The following HOMER2 variants were observed in gnomAD, a reference collection of about 807,000 sequenced individuals.
HOMER2 encodes the protein homer protein homolog 2.
In HOMER2, 27 loss-of-function variants were observed where a neutral mutation model predicts 47.0. The ratio of observed to expected loss-of-function variants is 0.57; its 90% confidence interval spans 0.42 to 0.79. The LOEUF is 0.79. Among genes scored for constraint, HOMER2 ranks in the 30% least tolerant of loss-of-function variants. The pLI, the probability that HOMER2 is intolerant of heterozygous loss-of-function variation, is 0.00. For synonymous variants in HOMER2, 161 were observed against 163.8 expected (o/e 0.98, Z 0.13); for missense variants, 443 against 435.0 (o/e 1.02, Z -0.16).
intron 1 of HOMER2, among the ~76,000 whole-genome samples, chr15:82,910,939 G>GT (rs11393165): frequency 0.59 from 89,520 of 151,588 alleles, 27,912 homozygotes; most frequent in African/African-American, 0.79. Context: ...TAAGGGAGGA[G>GT]GGTTCAGGGC....
chr15:82,857,720 C>T (rs1373393929), intron 5 of HOMER2, among the ~76,000 whole-genome samples: 1 of 152,092 alleles, frequency 6.6e-6, no homozygotes, highest in Non-Finnish European at 1.5e-5. Flanking sequence ...CATGTGCCAC[C>T]ACGCCCAGCC....
chr15:82,946,762 T>C (rs1349509414), intron 1 of HOMER2, among the ~76,000 whole-genome samples: 1 of 152,198 alleles, frequency 6.6e-6, no homozygotes, highest in Admixed American at 6.5e-5. Context: ...TACACACTCA[T>C]TCAATATCTA....
rs528429652 is a variant in HOMER2 at position 82,864,345 on chromosome 15, A to G, written c.295-86T>C. The G allele has an allele frequency of 4.9e-6, 4 of 809,150 alleles. No individual in the cohort carries two copies. In the East Asian group the frequency reaches 7.5e-5, roughly 15 times the overall value. The allele number at this position is 809,150 out of a possible 1,614,324, so 50.1% of individuals were successfully genotyped here. On this transcript the variant is annotated intron_variant, in intron 3 of 8. Coordinates refer to ENST00000450735, the MANE Select transcript of HOMER2 (RefSeq NM_004839.4). ...ACCCACCTTTATTTATTTTGCATCCATTTTAGGCCCATACATTCTGTATAA... is the reference window on the plus strand; with the variant it reads ...ACCCACCTTTATTTATTTTGCATCCGTTTTAGGCCCATACATTCTGTATAA...
rs540283090 is a variant in HOMER2, at chr15:82,947,591, G to A, written c.5+4940C>T. On this transcript the variant is annotated intron_variant, in intron 1 of 8. Coordinates refer to ENST00000450735, the MANE Select transcript of HOMER2 (RefSeq NM_004839.4). ...CTCCAGTACTCAAATGACAGCAGAC[G>A]GCCCGAAAATTAACCCACATCACAA... is the stretch of plus-strand genomic sequence containing the variant. Among the ~76,000 whole-genome samples, 3 of 152,274 alleles carry A rather than the reference G, an allele frequency of 2.0e-5. 1 individual carries two copies. Among genetic ancestry groups the A allele is most frequent in the South Asian group, 4.1e-4 (2 of 4,824 alleles).
intron 3 of HOMER2, among the ~76,000 whole-genome samples, chr15:82,868,541 A>ATTTTTT (rs10678643): frequency 2.0e-4 from 14 of 71,262 alleles, no homozygotes; most frequent in Non-Finnish European, 3.4e-4. Context: ...ATATATATAT[A>ATTTTTT]TTTTTTTTTT....
intron 2 of HOMER2, among the ~76,000 whole-genome samples, chr15:82,875,759 T>C (rs1260240289): frequency 6.6e-6 from 1 of 152,210 alleles, no homozygotes; most frequent in Non-Finnish European, 1.5e-5. Flanking sequence ...GCTAGCCATG[T>C]CCCACATTCT....
At position 82,861,590 on chromosome 15, in the gene HOMER2, C is replaced by T. The variant is rs1006741365; in HGVS notation, c.388-2455G>A. On this transcript the variant is annotated intron_variant, in intron 4 of 8. Coordinates refer to ENST00000450735, the MANE Select transcript of HOMER2 (RefSeq NM_004839.4). Reference sequence around the variant, plus strand: ...TTGCATTTATAGTCACAAAACAGCCCCACATTTTAAGTGTTTTTGTAATTA... The same window carrying T: ...TTGCATTTATAGTCACAAAACAGCCTCACATTTTAAGTGTTTTTGTAATTA... Among the ~76,000 whole-genome samples, 4 of 152,014 alleles carry T rather than the reference C, an allele frequency of 2.6e-5. No individual in the cohort carries two copies. In the East Asian group the frequency reaches 7.7e-4, roughly 29 times the overall value.
chr15:82,960,321 AT>A (rs1451545256), intron 1 of HOMER2, among the ~76,000 whole-genome samples: 2 of 152,154 alleles, frequency 1.3e-5, no homozygotes, highest in Non-Finnish European at 2.9e-5. Flanking sequence ...GCAGTTAGAT[AT>A]TATAGGTACA....
At chr15:82,950,661 A>G (rs1371925378) in intron 1 of HOMER2, among the ~76,000 whole-genome samples, 1 of 152,264 alleles carries the variant, frequency 6.6e-6, no homozygotes, top group Non-Finnish European at 1.5e-5. Context: ...AGAGGTAGGT[A>G]GGAGTTACAA....
chr15:82,837,045 TTCTAAAGGCTCCGGGGAGAA>T, exon 2 of HOMER2: 1 of 152,390 alleles, frequency 6.6e-6, no homozygotes, highest in South Asian at 2.1e-4. Flanking sequence ...CTGTGTTCTC[TTCTAAAGGCTCCGGGGAGAA>T]GCCATTTCCT....
chr15:82,853,291 A>C (rs2051458602), intron 6 of HOMER2, among the ~76,000 whole-genome samples: 1 of 152,236 alleles, frequency 6.6e-6, no homozygotes, highest in African/African-American at 2.4e-5. Flanking sequence ...TATCAGACTG[A>C]GACCAAAGTG....
rs755003013 is a variant in HOMER2 at position 82,914,378 on chromosome 15, T to TA, written c.6-21538dup. Among the ~76,000 whole-genome samples the TA allele has an allele frequency of 8.9e-3, 970 of 108,910 alleles. 7 individuals are homozygous for TA. The highest frequency in any genetic ancestry group is 0.04 in the Admixed American group (420 of 10,464). 71.4% of individuals were successfully genotyped at this position (108,910 alleles called of 152,430 possible). A position where few individuals can be genotyped will look rare whatever the true frequency, so the allele number is the denominator to read the frequency against. On this transcript the variant is annotated intron_variant, in intron 1 of 8. Transcript: ENST00000450735. ...GGGTGGCAGAGTGAGACTCCATCTT[T>TA]AAAAAAAAAAAAAAAAAAAAGGAAG...
At chr15:82,961,624 T>A (rs1347672598) in intron 1 of HOMER2, among the ~76,000 whole-genome samples, 2 of 152,198 alleles carry the variant, frequency 1.3e-5, no homozygotes, top group African/African-American at 4.8e-5. Context: ...GTTTTTTTTT[T>A]AATTGTGGCA....
chr15:82,964,726 C>T (rs905320816), intron 1 of HOMER2, among the ~76,000 whole-genome samples: 2 of 152,128 alleles, frequency 1.3e-5, no homozygotes, highest in Non-Finnish European at 2.9e-5. Flanking sequence ...GCCAAGATCA[C>T]ACCACTGCAC....
In HOMER2 at chr15:82,943,061, C is replaced by A. The variant is rs1472920873; in HGVS notation, c.5+9470G>T. Among the ~76,000 whole-genome samples the A allele has an allele frequency of 2.0e-5, 3 of 152,124 alleles. No homozygotes were observed. In the East Asian group the frequency reaches 5.8e-4, roughly 29 times the overall value. On this transcript the variant is annotated intron_variant, in intron 1 of 8. Transcript: ENST00000450735. The stretch of plus-strand genomic sequence containing the variant: ...CCCAACCACCTAACTCCAGACGGTG[C>A]CCAAAGGGCCAACTTCCCACCCAAA...
At chr15:82,910,011 T>C (rs1393425112) in intron 1 of HOMER2, among the ~76,000 whole-genome samples, 1 of 151,480 alleles carries the variant, frequency 6.6e-6, no homozygotes, top group Non-Finnish European at 1.5e-5. Flanking sequence ...TGTGTGCCTG[T>C]AATCTCAGCT....
At chr15:82,855,312 G>A (rs1338485424) in intron 5 of HOMER2, among the ~76,000 whole-genome samples, 2 of 108,844 alleles carry the variant, frequency 1.8e-5, no homozygotes, top group Non-Finnish European at 3.3e-5. Flanking sequence ...GCGACAGAGC[G>A]AGACTCCATC....
intron 4 of HOMER2, among the ~76,000 whole-genome samples, chr15:82,859,822 T>C (rs1425858660): frequency 1.3e-5 from 2 of 151,358 alleles, no homozygotes; most frequent in Admixed American, 1.3e-4. Flanking sequence ...AGGAAGAAAC[T>C]AGAAGAGAAT....
chr15:82,870,579 T>A (rs1333207259), intron 3 of HOMER2, among the ~76,000 whole-genome samples: 3 of 152,240 alleles, frequency 2.0e-5, no homozygotes, highest in African/African-American at 7.2e-5. Context: ...TTATCCCATG[T>A]ATTTAAGCAC....
Sources: allele counts gnomAD v4.1 joint callset (sites outside exome capture counted in the v4.1 genomes callset), GRCh38; gene constraint gnomAD v4.1.1; transcripts MANE v1.5; gene names NCBI Gene and HGNC (gene_info 2026-07-23, HGNC 2026-07-21).